The following ROCK1 variants were observed in gnomAD, a reference collection of about 807,000 sequenced individuals.
The protein encoded by ROCK1 is Rho associated coiled-coil containing protein kinase 1.
In ROCK1, 36 loss-of-function variants were observed where a neutral mutation model predicts 196.8. The observed-to-expected ratio is 0.18, with a 90% confidence interval of 0.14 to 0.24. The LOEUF is 0.24. Among genes scored for constraint, ROCK1 ranks in the 10% least tolerant of loss-of-function variants. The probability of loss-of-function intolerance (pLI) is 1.00; values close to 1 mark genes in which losing one functional copy is unlikely to be tolerated. For synonymous variants in ROCK1, 443 were observed against 515.9 expected (o/e 0.86, Z 1.91); for missense variants, 920 against 1,562.0 (o/e 0.59, Z 6.93).
chr18:21,018,955 A>G (rs2035888950), intron 12 of ROCK1, among the ~76,000 whole-genome samples: 1 of 152,226 alleles, frequency 6.6e-6, no homozygotes, highest in South Asian at 2.1e-4. Flanking sequence ...AAACGTGAGC[A>G]TAACTCAAAG....
At chr18:21,077,783 A>G (rs2036446558) in intron 1 of ROCK1, among the ~76,000 whole-genome samples, 1 of 152,156 alleles carries the variant, frequency 6.6e-6, no homozygotes, top group Admixed American at 6.5e-5. Flanking sequence ...TAAGTGGTAA[A>G]GGAGTACCCC....
intron 1 of ROCK1, among the ~76,000 whole-genome samples, chr18:21,106,748 G>C (rs369280485): frequency 6.6e-6 from 1 of 152,202 alleles, no homozygotes; most frequent in East Asian, 1.9e-4. Flanking sequence ...TAGGAAACAA[G>C]TGAATGGTTA....
intron 27 of ROCK1, among the ~76,000 whole-genome samples, chr18:20,961,985 G>A (rs1412631867): frequency 6.6e-6 from 1 of 151,782 alleles, no homozygotes; most frequent in African/African-American, 2.4e-5. Context: ...GTAGTTCCTT[G>A]GTAAGTTTTG....
At chr18:21,070,653 C>A in intron 1 of ROCK1, 40 bp from the exon 2 acceptor site, 1 of 1,268,576 alleles carries the variant, frequency 7.9e-7, no homozygotes. Context: ...TTTTGGATCA[C>A]ATTATACAGT....
chr18:20,978,863 CA>C (rs1201013775), intron 22 of ROCK1, among the ~76,000 whole-genome samples: 1 of 152,160 alleles, frequency 6.6e-6, no homozygotes, highest in African/African-American at 2.4e-5. Flanking sequence ...GTTATAATGA[CA>C]TTTGTCATAG....
intron 13 of ROCK1, among the ~76,000 whole-genome samples, chr18:21,012,899 A>G (rs1262807672): frequency 1.3e-5 from 2 of 152,052 alleles, no homozygotes; most frequent in Non-Finnish European, 2.9e-5. Flanking sequence ...GCTCCTCTGC[A>G]TTGTTCACTC....
At chr18:21,098,874 T>A (rs1174042409) in intron 1 of ROCK1, among the ~76,000 whole-genome samples, 1 of 152,104 alleles carries the variant, frequency 6.6e-6, no homozygotes, top group Admixed American at 6.6e-5. Context: ...AAAATTCAAA[T>A]TCAAATTATA....
In ROCK1 at chr18:21,034,020, C is replaced by T. The variant is rs1455212711; in HGVS notation, c.1052-5085G>A. 1.8e-4 allele frequency among the ~76,000 whole-genome samples: 24 copies of T among 132,948 alleles called. No homozygotes were observed. The South Asian group carries it at 5.4e-3, about 30-fold the overall frequency. 87.2% of individuals were successfully genotyped at this position (132,948 alleles called of 152,430 possible). On this transcript the variant is annotated intron_variant, in intron 9 of 32. Coordinates refer to ENST00000399799, the MANE Select transcript of ROCK1 (RefSeq NM_005406.3). ...CTGTACTCCAGCCTGGGCGACAGAG[C>T]GAGACTCCATCTCAAAAAAAAAAAA...
intron 16 of ROCK1, among the ~76,000 whole-genome samples, chr18:21,004,515 CAAT>C (rs749701093): frequency 6.6e-6 from 1 of 152,174 alleles, no homozygotes; most frequent in Non-Finnish European, 1.5e-5. Flanking sequence ...AATAAACTAA[CAAT>C]AAATCATGCT....
chr18:21,030,841 T>G (rs2035999645), intron 9 of ROCK1, among the ~76,000 whole-genome samples: 1 of 152,064 alleles, frequency 6.6e-6, no homozygotes, highest in Non-Finnish European at 1.5e-5. Context: ...AATGGCAGAG[T>G]AGGGAACTCA....
Position 20,992,343 on chromosome 18 carries a change from G to A in ROCK1, c.1992+488C>T, listed in dbSNP as rs1212640728. On this transcript the variant is annotated intron_variant, in intron 17 of 32. Coordinates refer to ENST00000399799, the MANE Select transcript of ROCK1 (RefSeq NM_005406.3). ...ATATCATCTATTTAACTCTTAGCTA[G>A]GTATATAACAGAGAATAACCAATGA... is the stretch of plus-strand genomic sequence containing the variant. 2.0e-5 allele frequency among the ~76,000 whole-genome samples: 3 copies of A among 152,218 alleles called. No homozygotes were observed. In the East Asian group the frequency reaches 5.8e-4, roughly 29 times the overall value.
At chr18:20,970,284 T>C in intron 23 of ROCK1, 64 bp downstream of exon 23, 1 of 1,292,320 alleles carries the variant, frequency 7.7e-7, no homozygotes, top group South Asian at 1.3e-5. Flanking sequence ...ACCCTAATAT[T>C]TTAAGATGTG....
At position 21,111,167 on chromosome 18, in the gene ROCK1, G is replaced by C. The variant is rs1183889857; in HGVS notation, c.-257C>G. On this transcript the variant is annotated 5_prime_UTR_variant, in exon 1 of 33. Transcript: ENST00000399799. This position sits in a 1 kb window ranked among gnomAD's most constrained non-coding sequence, Gnocchi z 4.2. Reference sequence around the variant, plus strand: ...CACCCGGCAGCCCCTCACGACAGCCGACAGCGCCGTCGCCACCAGCCTCGT... The same window carrying C: ...CACCCGGCAGCCCCTCACGACAGCCCACAGCGCCGTCGCCACCAGCCTCGT... 1.8e-6 allele frequency: 1 copy of C among 548,024 alleles called. No homozygotes were observed. The highest frequency in any genetic ancestry group is 1.9e-5 in the African/African-American group (1 of 51,492). The allele number at this position is 548,024 out of a possible 1,614,324, so 33.9% of individuals were successfully genotyped here. A position where few individuals can be genotyped will look rare whatever the true frequency, so the allele number is the denominator to read the frequency against.
chr18:21,093,834 T>C (rs947358174), intron 1 of ROCK1, among the ~76,000 whole-genome samples: 2 of 152,084 alleles, frequency 1.3e-5, no homozygotes, highest in Admixed American at 1.3e-4. Context: ...TGTGCACCTG[T>C]AGTCCCAGCT....
chr18:20,996,173 CAAAG>C (rs1374021257), intron 16 of ROCK1, among the ~76,000 whole-genome samples: 3 of 152,068 alleles, frequency 2.0e-5, no homozygotes, highest in African/African-American at 7.2e-5. Flanking sequence ...CAAGATAAAA[CAAAG>C]AAGGAATTCA....
At chr18:21,032,506 G>GTTGTTTTTTTTT (rs2036017283) in intron 9 of ROCK1, among the ~76,000 whole-genome samples, 1 of 129,254 alleles carries the variant, frequency 7.7e-6, no homozygotes, top group African/African-American at 2.9e-5. Context: ...AAATAGGAAA[G>GTTGTTTTTTTTT]TTTTTTTTTT....
intron 31 of ROCK1, among the ~76,000 whole-genome samples, chr18:20,954,555 G>A (rs1438384061): frequency 3.3e-5 from 5 of 152,258 alleles, no homozygotes; most frequent in Non-Finnish European, 5.9e-5. Flanking sequence ...CAGCCTGGGC[G>A]AGACAGAGTG....
intron 2 of ROCK1, among the ~76,000 whole-genome samples, chr18:21,066,670 A>C (rs915422089): frequency 6.6e-5 from 10 of 152,246 alleles, no homozygotes; most frequent in African/African-American, 2.4e-4. Context: ...CATGTCCTAC[A>C]AATGGAATCA....
chr18:21,045,910 T>G (rs1220391423), intron 4 of ROCK1, among the ~76,000 whole-genome samples: 3 of 128,672 alleles, frequency 2.3e-5, no homozygotes, highest in Admixed American at 7.7e-5. Flanking sequence ...TTTTTTTTTT[T>G]TTTTTTTTTT....
Sources: allele counts gnomAD v4.1 joint callset (sites outside exome capture counted in the v4.1 genomes callset), GRCh38; gene constraint gnomAD v4.1.1; non-coding constraint Gnocchi (gnomAD v3.1); transcripts MANE v1.5; gene names NCBI Gene and HGNC (gene_info 2026-07-23, HGNC 2026-07-21).